Variants in NPSR1 observed in about 807,000 individuals in gnomAD.
NPSR1 encodes neuropeptide S receptor 1, also known as neuropeptide S receptor.
NPSR1 carries 48 observed loss-of-function variants against 46.9 expected under a neutral mutation model. That is an observed-to-expected ratio of 1.02 (90% CI 0.81 to 1.30). The LOEUF (loss-of-function observed/expected upper bound fraction) is 1.30, where lower values mean the gene tolerates loss of function less well. Among genes scored for constraint, NPSR1 ranks in the 50% most tolerant of loss-of-function variants. The pLI, the probability that NPSR1 is intolerant of heterozygous loss-of-function variation, is 0.00. For synonymous variants in NPSR1, 176 were observed against 168.1 expected (o/e 1.05, Z -0.36); for missense variants, 450 against 449.5 (o/e 1.00, Z -0.01).
At chr7:34,816,323 C>T (rs2128752341) in intron 4 of NPSR1, among the ~76,000 whole-genome samples, 1 of 74,352 alleles carries the variant, frequency 1.3e-5, no homozygotes, top group Admixed American at 1.6e-4. Flanking sequence ...TCAAAGAAGG[C>T]CACTGCATAA....
At chr7:34,727,749 A>T (rs934675464) in intron 2 of NPSR1, among the ~76,000 whole-genome samples, 1 of 152,194 alleles carries the variant, frequency 6.6e-6, no homozygotes, top group Admixed American at 6.5e-5. Flanking sequence ...ATTTGTATAA[A>T]GCCTTGAGCT....
At chr7:34,678,851 A>G (rs1257756693) in intron 1 of NPSR1, among the ~76,000 whole-genome samples, 1 of 152,128 alleles carries the variant, frequency 6.6e-6, no homozygotes, top group Non-Finnish European at 1.5e-5. Context: ...GAAAAAAAAA[A>G]GAAATTCTTA....
chr7:34,868,301 C>T (rs1214219444), intron 8 of NPSR1, among the ~76,000 whole-genome samples: 1 of 151,642 alleles, frequency 6.6e-6, no homozygotes, highest in Non-Finnish European at 1.5e-5. Context: ...AGCAGCCCCA[C>T]TCTGCACCAC....
At chr7:34,682,878 G>C (rs981973163) in intron 1 of NPSR1, among the ~76,000 whole-genome samples, 1 of 152,184 alleles carries the variant, frequency 6.6e-6, no homozygotes, top group African/African-American at 2.4e-5. Context: ...GCTTGAAGCT[G>C]AGCAAAGATG....
chr7:34,664,847 A>G (rs1791659286), intron 1 of NPSR1, among the ~76,000 whole-genome samples: 1 of 152,180 alleles, frequency 6.6e-6, no homozygotes, highest in Non-Finnish European at 1.5e-5. Context: ...AGATGGCAAA[A>G]TCACCCAAGG....
At chr7:34,728,402 G>A (rs1044625819) in intron 2 of NPSR1, among the ~76,000 whole-genome samples, 3 of 152,204 alleles carry the variant, frequency 2.0e-5, no homozygotes, top group African/African-American at 2.4e-5. Flanking sequence ...TGGGGTGCAC[G>A]CTGGCAGAGC....
intron 3 of NPSR1, among the ~76,000 whole-genome samples, chr7:34,784,260 C>T (rs1487670249): frequency 9.2e-5 from 14 of 152,098 alleles, no homozygotes; most frequent in Admixed American, 8.5e-4. Context: ...CTGTCTTGTG[C>T]CAGTTTTCAA....
chr7:34,750,209 T>C, intron 2 of NPSR1: 1 of 534,854 alleles, frequency 1.9e-6, no homozygotes, highest in East Asian at 3.6e-5. Flanking sequence ...ACCCTACAAG[T>C]TACCCTGCAC....
chr7:34,711,996 A>G (rs868380250), intron 2 of NPSR1, among the ~76,000 whole-genome samples: 19 of 152,216 alleles, frequency 1.2e-4, no homozygotes, highest in African/African-American at 4.6e-4. Flanking sequence ...TACTTTCCCC[A>G]TTAACTATTC....
At chr7:34,869,621 A>G (rs939250654) in intron 8 of NPSR1, among the ~76,000 whole-genome samples, 1 of 151,842 alleles carries the variant, frequency 6.6e-6, no homozygotes, top group Non-Finnish European at 1.5e-5. Flanking sequence ...GTCTACACAC[A>G]TTATAGGCCT....
intron 2 of NPSR1, among the ~76,000 whole-genome samples, chr7:34,734,422 C>CATAT (rs1314802536): frequency 8.0e-4 from 122 of 152,136 alleles, no homozygotes; most frequent in Admixed American, 2.9e-3. Context: ...AACAGGCAGG[C>CATAT]CTCAACTTCC....
chr7:34,874,913 A>G (rs1791540870), intron 8 of NPSR1, among the ~76,000 whole-genome samples: 1 of 152,044 alleles, frequency 6.6e-6, no homozygotes, highest in Non-Finnish European at 1.5e-5. Flanking sequence ...CCTGGCTCCA[A>G]CTACCTCTGC....
chr7:34,844,905 T>C lies in NPSR1; in HGVS notation c.767T>C (p.Leu256Pro). 1 of 1,606,146 alleles carries C rather than the reference T, an allele frequency of 6.2e-7. No homozygotes were observed. Among genetic ancestry groups the C allele is most frequent in the Admixed American group, 1.7e-5 (1 of 60,012 alleles). The change falls in exon 7 of 9, where the codon CTG (leucine) becomes CCG (proline). Residue 256 changes from leucine to proline, a missense_variant. Physicochemically the swap from Leu to Pro is moderately conservative, Grantham distance 98. Coordinates refer to ENST00000360581, the MANE Select transcript of NPSR1 (RefSeq NM_207172.2). ...TVISNCSDGK[L>P]CSSYNRGLIS... Reference sequence around the variant, plus strand: ...CCTCTTGTATCTACAGATGGGAAACTGTGCAGCAGCTATAACCGAGGACTC... The same window carrying C: ...CCTCTTGTATCTACAGATGGGAAACCGTGCAGCAGCTATAACCGAGGACTC...
chr7:34,728,229 A>G (rs1784256433), intron 2 of NPSR1, among the ~76,000 whole-genome samples: 1 of 152,066 alleles, frequency 6.6e-6, no homozygotes, highest in South Asian at 2.1e-4. Context: ...TTCATTCTCA[A>G]CCCCCAAACC....
intron 7 of NPSR1, chr7:34,845,468 A>G (rs1165863170): frequency 2.4e-6 from 1 of 422,786 alleles, no homozygotes; most frequent in African/African-American, 2.1e-5. Flanking sequence ...CTCTACTCTT[A>G]AGACTCATAA....
At position 34,750,926 on chromosome 7, in the gene NPSR1, G is replaced by A. The variant is rs867883726; in HGVS notation, c.281-27536G>A. On this transcript the variant is annotated intron_variant, in intron 2 of 8. Transcript: ENST00000360581. The stretch of plus-strand genomic sequence containing the variant: ...AAGGCACTTCCTCCACCCCCAGCTC[G>A]GGGTCTGACAGGTGGCTGATGATAT... The A allele has an allele frequency of 5.9e-5, 44 of 741,934 alleles. No individual in the cohort carries two copies. The Middle Eastern group carries it at 7.3e-3, about 122-fold the overall frequency. 46.0% of individuals were successfully genotyped at this position (741,934 alleles called of 1,614,324 possible).
intron 6 of NPSR1, among the ~76,000 whole-genome samples, chr7:34,839,199 A>G (rs1790484726): frequency 6.6e-6 from 1 of 152,260 alleles, no homozygotes; most frequent in Non-Finnish European, 1.5e-5. Context: ...ATACAAATAA[A>G]TGAAGATTAT....
chr7:34,689,508 G>A (rs2128688025), intron 2 of NPSR1, among the ~76,000 whole-genome samples: 1 of 148,904 alleles, frequency 6.7e-6, no homozygotes, highest in African/African-American at 2.5e-5. Flanking sequence ...GGGAGGCTGA[G>A]GCAGGAGAAT....
chr7:34,845,808 CGAAT>C (rs748560161), intron 7 of NPSR1, among the ~76,000 whole-genome samples: 2 of 151,860 alleles, frequency 1.3e-5, no homozygotes, highest in East Asian at 1.9e-4. Context: ...TAACATTTGT[CGAAT>C]GAATGAATGA....
Sources: gnomAD v4.1 joint callset for allele counts (sites outside exome capture counted in the v4.1 genomes callset) on GRCh38, gnomAD v4.1.1 for gene constraint, MANE v1.5 for transcripts, NCBI Gene and HGNC (gene_info 2026-07-23, HGNC 2026-07-21) for gene names.